Variants in ABLIM2 observed in about 807,000 individuals in gnomAD.
ABLIM2 encodes the protein actin binding LIM protein family member 2, also known as actin-binding LIM protein 2.
Under a neutral mutation model 97.7 loss-of-function variants are expected in ABLIM2, and 53 were observed. That is an observed-to-expected ratio of 0.54 (90% confidence interval 0.44 to 0.68). The LOEUF is 0.68. ABLIM2 is among the 30% of genes least tolerant of loss of function. The pLI, the probability that ABLIM2 is intolerant of heterozygous loss-of-function variation, is 0.00. For missense variants in ABLIM2, 835 were observed against 867.2 expected (o/e 0.96, Z 0.47); for synonymous variants, 361 against 345.8 (o/e 1.04, Z -0.49).
At chr4:8,047,383 T>TCCTCCTCCC (rs1793236099) in intron 8 of ABLIM2, among the ~76,000 whole-genome samples, 1 of 151,318 alleles carries the variant, frequency 6.6e-6, no homozygotes, top group African/African-American at 2.4e-5. Flanking sequence ...CTCCTCCTCC[T>TCCTCCTCCC]CCTCTTTCTC....
At chr4:8,042,839 C>CAAAAAA (rs35649540) in intron 9 of ABLIM2, among the ~76,000 whole-genome samples, 8 of 62,364 alleles carry the variant, frequency 1.3e-4, no homozygotes, top group Non-Finnish European at 1.9e-4. Flanking sequence ...AACTCCAACT[C>CAAAAAA]AAAAAAAAAA....
chr4:8,109,185 G>T (rs1339225174), intron 1 of ABLIM2, among the ~76,000 whole-genome samples: 2 of 149,598 alleles, frequency 1.3e-5, no homozygotes, highest in South Asian at 4.2e-4. Context: ...TCTGCCTGGC[G>T]TATAGGCTGA....
chr4:8,008,776 A>C (rs1280890903), intron 15 of ABLIM2, among the ~76,000 whole-genome samples: 1 of 152,178 alleles, frequency 6.6e-6, no homozygotes, highest in Non-Finnish European at 1.5e-5. Flanking sequence ...CCAGGGATGC[A>C]CTTTGATTTA....
At chr4:8,141,970 C>T (rs973112210) in intron 1 of ABLIM2, among the ~76,000 whole-genome samples, 6 of 152,252 alleles carry the variant, frequency 3.9e-5, no homozygotes, top group Admixed American at 2.6e-4. Context: ...AAAACCTAAC[C>T]ATGGGTGCAC....
chr4:8,151,133 C>T (rs1712570636), intron 1 of ABLIM2, among the ~76,000 whole-genome samples: 1 of 152,164 alleles, frequency 6.6e-6, no homozygotes, highest in Non-Finnish European at 1.5e-5. Flanking sequence ...AAACACACAA[C>T]TAGCAAGTGA....
At chr4:8,078,974 A>C (rs754617746) in intron 5 of ABLIM2, among the ~76,000 whole-genome samples, 3 of 152,210 alleles carry the variant, frequency 2.0e-5, no homozygotes, top group Non-Finnish European at 4.4e-5. Context: ...CTACTAGAGA[A>C]GGGAGGATTT....
intron 6 of ABLIM2, among the ~76,000 whole-genome samples, chr4:8,076,775 G>C (rs548413991): frequency 2.3e-5 from 3 of 130,488 alleles, no homozygotes; most frequent in Admixed American, 2.2e-4. Flanking sequence ...GCTGCAGGGT[G>C]GGGGGGTCTG....
intron 16 of ABLIM2, 161 bp downstream of exon 16, chr4:8,007,898 C>G (rs1443942486): frequency 6.9e-7 from 1 of 1,440,528 alleles, no homozygotes; most frequent in African/African-American, 1.4e-5. Context: ...CTGCAAAAGC[C>G]CCATATTTCC....
intron 20 of ABLIM2, among the ~76,000 whole-genome samples, chr4:7,980,744 CT>C (rs1737416453): frequency 6.6e-6 from 1 of 151,266 alleles, no homozygotes; most frequent in African/African-American, 2.4e-5. Flanking sequence ...CTCTGCAGAG[CT>C]GTCTCTTGTG....
At position 8,015,824 on chromosome 4, in the gene ABLIM2, A is replaced by G. The variant is rs1021834468; in HGVS notation, c.1423+3794T>C. 1.3e-5 allele frequency among the ~76,000 whole-genome samples: 2 copies of G among 152,082 alleles called. No homozygotes were observed. The highest frequency in any genetic ancestry group is 4.8e-5 in the African/African-American group (2 of 41,398). ...TCTGGAGAGTCGAACTTACTGGGAA[A>G]TGTTGGGGAGCCATCATTTTTCCCT... On this transcript the variant is annotated intron_variant, in intron 14 of 20. Transcript: ENST00000447017. The surrounding 1 kb of genome is among the most constrained non-coding windows in gnomAD (Gnocchi z 4.6).
chr4:8,031,813 C>A (rs1027024603), intron 10 of ABLIM2, among the ~76,000 whole-genome samples: 32 of 151,400 alleles, frequency 2.1e-4, no homozygotes, highest in Non-Finnish European at 1.5e-5. Context: ...CAACCTCCGT[C>A]TTCCGGGTTC....
At chr4:8,031,959 T>C (rs56332643) in intron 10 of ABLIM2, among the ~76,000 whole-genome samples, 31,809 of 151,970 alleles carry the variant, frequency 0.21, 3,965 homozygotes, top group Non-Finnish European at 0.29. Flanking sequence ...ACTCCTGACC[T>C]CTGGTGATCC....
chr4:7,980,372 G>C (rs1398803321), intron 20 of ABLIM2, among the ~76,000 whole-genome samples: 1 of 152,154 alleles, frequency 6.6e-6, no homozygotes, highest in Non-Finnish European at 1.5e-5. Context: ...GGCCCTGAAA[G>C]AAATACAAAT....
chr4:8,135,301 C>T (rs1029941724), intron 1 of ABLIM2, among the ~76,000 whole-genome samples: 1 of 152,188 alleles, frequency 6.6e-6, no homozygotes, highest in African/African-American at 2.4e-5. Context: ...CCGGGGCAGC[C>T]AGAAAGTGGA....
Position 8,019,920 on chromosome 4 carries a change from C to T in ABLIM2, c.1370-249G>A, listed in dbSNP as rs116268418. On this transcript the variant is annotated intron_variant, in intron 13 of 20. Coordinates refer to ENST00000447017, the MANE Select transcript of ABLIM2 (RefSeq NM_001130083.2). The surrounding 1 kb of genome is among the most constrained non-coding windows in gnomAD (Gnocchi z 4.3). ...CCTTGTGGTCCCCCGGGAAGTGTAG[C>T]CAGCTCAGACAGCCCTTTTCCTTCA... is the stretch of plus-strand genomic sequence containing the variant. Among the ~76,000 whole-genome samples, 7 of 152,322 alleles carry T rather than the reference C, an allele frequency of 4.6e-5. No homozygotes were observed. The highest frequency in any genetic ancestry group is 8.8e-5 in the Non-Finnish European group (6 of 68,034).
rs1052042718 is a variant in ABLIM2, at chr4:8,005,774, G to A, written c.1618+2285C>T. ...AGACACAGCGGGTTTCCTGCTCAGA[G>A]GAAGTGGATGTTAGCACACCAGGAG... On this transcript the variant is annotated intron_variant, in intron 16 of 20. Coordinates refer to ENST00000447017, the MANE Select transcript of ABLIM2 (RefSeq NM_001130083.2). The surrounding 1 kb of genome is among the most constrained non-coding windows in gnomAD (Gnocchi z 4.9). Among the ~76,000 whole-genome samples the A allele has an allele frequency of 6.6e-6, 1 of 152,240 alleles. No individual in the cohort carries two copies. Among genetic ancestry groups the A allele is most frequent in the Admixed American group, 6.5e-5 (1 of 15,288 alleles).
chr4:8,034,254 G>C (rs1782779660), intron 10 of ABLIM2, among the ~76,000 whole-genome samples: 1 of 152,100 alleles, frequency 6.6e-6, no homozygotes, highest in South Asian at 2.1e-4. Flanking sequence ...GTGGGTACAG[G>C]TGGGTGCAGT....
intron 1 of ABLIM2, among the ~76,000 whole-genome samples, chr4:8,131,952 T>A (rs1161158919): frequency 8.2e-6 from 1 of 122,656 alleles, no homozygotes; most frequent in African/African-American, 3.8e-5. Flanking sequence ...CCTGCATCCC[T>A]GAGCACAGCA....
intron 6 of ABLIM2, among the ~76,000 whole-genome samples, chr4:8,064,769 G>A (rs112220864): frequency 2.6e-4 from 40 of 152,202 alleles, no homozygotes; most frequent in African/African-American, 7.5e-4. Context: ...GGGGACTCAC[G>A]GGGGAGTCTG....
Sources: gnomAD v4.1 joint callset for allele counts (sites outside exome capture counted in the v4.1 genomes callset) on GRCh38, gnomAD v4.1.1 for gene constraint, Gnocchi (gnomAD v3.1) non-coding constraint, MANE v1.5 for transcripts, NCBI Gene and HGNC (gene_info 2026-07-23, HGNC 2026-07-21) for gene names.